Variants in CNPY4 observed in about 807,000 individuals in gnomAD.
The protein encoded by CNPY4 is canopy FGF signaling regulator 4, also known as protein canopy homolog 4.
In CNPY4, 33 loss-of-function variants were observed where a neutral mutation model predicts 30.1. The observed-to-expected ratio is 1.10, with a 90% confidence interval of 0.83 to 1.46. CNPY4 has a LOEUF of 1.46. CNPY4 is among the 40% of genes most tolerant of loss of function. The probability of loss-of-function intolerance (pLI) is 0.00; values close to 1 mark genes in which losing one functional copy is unlikely to be tolerated. For missense variants in CNPY4, 324 were observed against 302.6 expected (o/e 1.07, Z -0.52); for synonymous variants, 109 against 110.1 (o/e 0.99, Z 0.06).
chr7:100,124,041 G>A (rs895829303), intron 4 of CNPY4, among the ~76,000 whole-genome samples: 5 of 151,912 alleles, frequency 3.3e-5, no homozygotes, highest in Non-Finnish European at 7.4e-5. Context: ...GGAAGCTGAG[G>A]CAGGAGAATC....
At chr7:100,120,660 G>A (rs1006278577) in intron 1 of CNPY4, among the ~76,000 whole-genome samples, 1 of 152,150 alleles carries the variant, frequency 6.6e-6, no homozygotes, top group Non-Finnish European at 1.5e-5. Flanking sequence ...CCCCTGACCT[G>A]TCAATCTTTT....
rs769508965 is a variant in CNPY4, at chr7:100,124,609, T to C, written c.561T>C (p.His187=). The C allele has an allele frequency of 3.7e-6, 6 of 1,613,490 alleles. No individual in the cohort carries two copies. Among genetic ancestry groups the C allele is most frequent in the East Asian group, 2.2e-5 (1 of 44,870 alleles). Residue 187 remains histidine, a synonymous_variant, in exon 5 of 6, where the codon CAT becomes CAC. Transcript: ENST00000262932. ...TACAAAATTTTCTCTGTGAAGGTCA[T>C]GTGCTCCCAGCTGCTGAAACTGGTA... ...QPLQNFLCEG[H]VLPAAETACL...
Position 100,124,449 on chromosome 7 carries a change from A to G in CNPY4, c.466-65A>G, listed in dbSNP as rs1485301697. On this transcript the variant is annotated intron_variant, in intron 4 of 5. Coordinates refer to ENST00000262932, the MANE Select transcript of CNPY4 (RefSeq NM_152755.2). Reference sequence around the variant, plus strand: ...AAAATCAGTCAGGTTGAGCAGGGAGAGAAGACAGGCGGGATCCCAAATCCC... The same window carrying G: ...AAAATCAGTCAGGTTGAGCAGGGAGGGAAGACAGGCGGGATCCCAAATCCC... 6.2e-6 allele frequency: 8 copies of G among 1,289,372 alleles called. No individual in the cohort carries two copies. In the East Asian group the frequency reaches 1.9e-4, roughly 30 times the overall value. 79.9% of individuals were successfully genotyped at this position (1,289,372 alleles called of 1,614,324 possible).
intron 4 of CNPY4, 101 bp downstream of exon 4, chr7:100,123,007 G>A: frequency 7.4e-7 from 1 of 1,342,826 alleles, no homozygotes; most frequent in East Asian, 2.4e-5. Flanking sequence ...CCCTAAGCAT[G>A]GGGAAGGGGC....
At position 100,125,038 on chromosome 7, in the gene CNPY4, C is replaced by G. The variant is rs376399296; in HGVS notation, c.*150C>G. The G allele has an allele frequency of 8.0e-6, 7 of 880,246 alleles. No individual in the cohort carries two copies. In the African/African-American group the frequency reaches 1.0e-4, roughly 13 times the overall value. The allele number at this position is 880,246 out of a possible 1,614,324, so 54.5% of individuals were successfully genotyped here. On this transcript the variant is annotated 3_prime_UTR_variant, in exon 6 of 6. Transcript: ENST00000262932. ...TCTCCCATCTAACCTCAGGCAAGAT[C>G]CTGGTGAAACAGCATGACATGGCTT...
Position 100,119,759 on chromosome 7 carries a change from G to A in CNPY4, c.15G>A (p.Arg5=), listed in dbSNP as rs1453007072. MGPV[R]LGILLFLFLA... Reference sequence around the variant, plus strand: ...GGCGCTTTGTCATGGGACCTGTGCGGTTGGGAATATTGCTTTTCCTTTTTT... The same window carrying A: ...GGCGCTTTGTCATGGGACCTGTGCGATTGGGAATATTGCTTTTCCTTTTTT... Residue 5 remains arginine, a synonymous_variant, in exon 1 of 6, where the codon CGG becomes CGA. Transcript: ENST00000262932. The A allele has an allele frequency of 6.2e-7, 1 of 1,614,098 alleles. No individual in the cohort carries two copies. Among genetic ancestry groups the A allele is most frequent in the African/African-American group, 1.3e-5 (1 of 74,950 alleles).
At chr7:100,121,942 C>G (rs950977324) in intron 1 of CNPY4, 6 of 257,910 alleles carry the variant, frequency 2.3e-5, no homozygotes, top group Non-Finnish European at 3.8e-5. Context: ...CCCAGCTACT[C>G]GGGAGACTGA....
intron 1 of CNPY4, chr7:100,121,116 A>ATTTTTTTTTTTTTT (rs1163501525): frequency 1.9e-5 from 1 of 52,800 alleles, no homozygotes; most frequent in Non-Finnish European, 3.2e-5. Flanking sequence ...ATATATATAT[A>ATTTTTTTTTTTTTT]TTTTTTTTTT....
In CNPY4 at chr7:100,122,372, C is replaced by A. The variant is rs1301574600; in HGVS notation, c.232C>A (p.Pro78Thr). Residue 78 changes from proline to threonine, a missense_variant, in exon 2 of 6, where the codon CCT becomes ACT. Physicochemically the swap from Pro to Thr is conservative, Grantham distance 38 (BLOSUM62 -1). Transcript: ENST00000262932. ...LDTGKRKRHVPYSVSETRLEE... is the reference protein window; with the variant it reads ...LDTGKRKRHVTYSVSETRLEE... ...TACAGGCAAGAGGAAGAGACACGTG[C>A]CTTACAGCGTTTCGTGAGTCCTTCG... 1.9e-6 allele frequency: 3 copies of A among 1,614,136 alleles called. No homozygotes were observed. Among genetic ancestry groups the A allele is most frequent in the Non-Finnish European group, 2.5e-6 (3 of 1,180,028 alleles).
chr7:100,121,116 A>ATATATATATTG (rs1584585316), intron 1 of CNPY4: 1 of 52,800 alleles, frequency 1.9e-5, no homozygotes, highest in Non-Finnish European at 3.2e-5. Context: ...ATATATATAT[A>ATATATATATTG]TTTTTTTTTT....
rs1562939301 is a variant in CNPY4 at position 100,122,399 on chromosome 7, G to GCTC, written c.245+19_245+21dup. 2 of 1,613,922 alleles carry GCTC rather than the reference G, an allele frequency of 1.2e-6. No homozygotes were observed. Among genetic ancestry groups the GCTC allele is most frequent in the Non-Finnish European group, 8.5e-7 (1 of 1,180,020 alleles). ...TTACAGCGTTTCGTGAGTCCTTCGT[G>GCTC]CTCCTCCCCTTTCCAACCCCCAACG... On this transcript the variant is annotated intron_variant, in intron 2 of 5. Transcript: ENST00000262932.
chr7:100,122,226 TACCTCCCCCCGGACGTTTC>T lies in CNPY4; in HGVS notation c.119-32_119-14del. On this transcript the variant is annotated splice_polypyrimidine_tract_variant and intron_variant, in intron 1 of 5. Transcript: ENST00000262932. ...ATGAATGGCTGGTGTGTTTGTCTTT[TACCTCCCCCCGGACGTTTC>T]TCCTCCCCACCAGTGTGTAAGCTGC... 1 of 1,612,486 alleles carries T rather than the reference TACCTCCCCCCGGACGTTTC, an allele frequency of 6.2e-7. No homozygotes were observed. Among genetic ancestry groups the T allele is most frequent in the Non-Finnish European group, 8.5e-7 (1 of 1,179,474 alleles).
rs1052306144 is a variant in CNPY4, at chr7:100,119,837, A to G, written c.93A>G (p.Thr31=). 6.2e-7 allele frequency: 1 copy of G among 1,613,022 alleles called. No individual in the cohort carries two copies. The highest frequency in any genetic ancestry group is 8.5e-7 in the Non-Finnish European group (1 of 1,179,730). Reference sequence around the variant, plus strand: ...TGTTGAAGGAGGAGGACGATGACACAGAACGCTTGCCCAGCAAATGCGAAG... The same window carrying G: ...TGTTGAAGGAGGAGGACGATGACACGGAACGCTTGCCCAGCAAATGCGAAG... ...AGMLKEEDDD[T]ERLPSKCEVC... The change falls in exon 1 of 6, where the codon ACA becomes ACG. Residue 31 remains threonine, a synonymous_variant. Coordinates refer to ENST00000262932, the MANE Select transcript of CNPY4 (RefSeq NM_152755.2).
rs1467748182 is a variant in CNPY4, at chr7:100,122,572, GCCAAGGTCAGA to G, written c.340_342+8del. The stretch of plus-strand genomic sequence containing the variant: ...TGAGCGCAAGGGCTCACTGAGATAT[GCCAAGGTCAGA>G]CCCTTCCCCAGGGCAGGACCCCACT... On this transcript the variant is annotated splice_donor_variant and splice_donor_5th_base_variant and coding_sequence_variant and intron_variant, in exon 3 of 6. Coordinates refer to ENST00000262932, the MANE Select transcript of CNPY4 (RefSeq NM_152755.2). LOFTEE classifies it high-confidence loss of function. The G allele has an allele frequency of 6.2e-7, 1 of 1,606,836 alleles. No individual in the cohort carries two copies. The highest frequency in any genetic ancestry group is 2.2e-5 in the East Asian group (1 of 44,830).
rs1219794071 is a variant in CNPY4, at chr7:100,122,903, G to T, written c.462G>T (p.Lys154Asn). The change falls in exon 4 of 6, where the codon AAG becomes AAT. Residue 154 changes from lysine to asparagine, a missense_variant. Lys to Asn is a moderately conservative substitution (Grantham distance 94). Transcript: ENST00000262932. ...EPSVEVTYLK[K>N]QCETMLEEFE... is the part of the protein sequence containing the mutation. ...GCGTGGAGGTCACATACCTCAAGAA[G>T]CAGGTAGGATAAGACACTGCACCAT... The T allele has an allele frequency of 3.1e-6, 5 of 1,612,136 alleles. No individual in the cohort carries two copies. In the African/African-American group the frequency reaches 6.7e-5, roughly 22 times the overall value.
intron 1 of CNPY4, chr7:100,121,116 ATTTTTTTTTTTTTTTTTT>A (rs1163501525): frequency 9.5e-5 from 5 of 52,774 alleles, no homozygotes; most frequent in African/African-American, 9.7e-5. Context: ...ATATATATAT[ATTTTTTTTTTTTTTTTTT>A]TTTTTTTTTT....
intron 1 of CNPY4, chr7:100,120,145 C>T (rs544643663): frequency 6.3e-6 from 2 of 317,790 alleles, no homozygotes; most frequent in South Asian, 9.4e-5. Flanking sequence ...CCGGGACTGC[C>T]AACTTTTAGA....
intron 1 of CNPY4, 196 bp downstream of exon 1, chr7:100,120,058 G>A (rs1797984991): frequency 4.1e-6 from 2 of 485,814 alleles, no homozygotes; most frequent in South Asian, 6.7e-5. Flanking sequence ...TCCAGAGAGA[G>A]CCTGCATTTT....
At chr7:100,122,654 T>C (rs2116897976) in intron 3 of CNPY4, 77 bp downstream of exon 3, 1 of 1,510,162 alleles carries the variant, frequency 6.6e-7, no homozygotes. Context: ...CCAGAGGTTA[T>C]CTGCCCATCA....
Sources: allele counts gnomAD v4.1 joint callset (sites outside exome capture counted in the v4.1 genomes callset), GRCh38; gene constraint gnomAD v4.1.1; transcripts MANE v1.5; gene names NCBI Gene and HGNC (gene_info 2026-07-23, HGNC 2026-07-21).